PDE4D: variants seen among roughly 807,000 people sequenced by gnomAD.
PDE4D encodes the protein phosphodiesterase 4D, also known as 3',5'-cyclic-AMP phosphodiesterase 4D.
Under a neutral mutation model 87.4 loss-of-function variants are expected in PDE4D, and 24 were observed. That is an observed-to-expected ratio of 0.27 (90% CI 0.20 to 0.39). The LOEUF (loss-of-function observed/expected upper bound fraction) is 0.39, where lower values mean the gene tolerates loss of function less well. Ranked by LOEUF, PDE4D falls within the 10% of genes least tolerant of loss-of-function variation. The probability of loss-of-function intolerance (pLI) is 1.00; values close to 1 mark genes in which losing one functional copy is unlikely to be tolerated. For missense variants in PDE4D, 714 were observed against 1,041.0 expected (o/e 0.69, Z 4.32); for synonymous variants, 384 against 383.2 (o/e 1.00, Z -0.02).
At chr5:59,543,088 G>C (rs1816649358) in intron 1 of PDE4D, among the ~76,000 whole-genome samples, 1 of 152,100 alleles carries the variant, frequency 6.6e-6, no homozygotes, top group African/African-American at 2.4e-5. Flanking sequence ...GGAGTGACAG[G>C]GAAGTTTTCT....
chr5:59,535,779 A>G (rs1815091138), intron 1 of PDE4D, among the ~76,000 whole-genome samples: 1 of 152,336 alleles, frequency 6.6e-6, no homozygotes, highest in East Asian at 1.9e-4. Flanking sequence ...AAAAGGCATC[A>G]GAGGAGCTAT....
At chr5:60,429,536 C>T (rs1583733171) in intron 1 of PDE4D, among the ~76,000 whole-genome samples, 1 of 152,254 alleles carries the variant, frequency 6.6e-6, no homozygotes, top group East Asian at 1.9e-4. Flanking sequence ...GCATCCTTGT[C>T]TTGTTCCAGT....
intron 2 of PDE4D, among the ~76,000 whole-genome samples, chr5:60,037,696 G>A (rs900012692): frequency 3.3e-5 from 5 of 152,162 alleles, no homozygotes; most frequent in South Asian, 2.1e-4. Flanking sequence ...AGGGAGACAG[G>A]TAGCACATCT....
chr5:60,298,388 A>G (rs943539118), intron 1 of PDE4D, among the ~76,000 whole-genome samples: 4 of 152,232 alleles, frequency 2.6e-5, no homozygotes, highest in Non-Finnish European at 5.9e-5. Context: ...ACATCCCTAG[A>G]GAAATTTCAA....
chr5:59,290,127 TA>T, intron 1 of PDE4D, among the ~76,000 whole-genome samples: 1 of 151,958 alleles, frequency 6.6e-6, no homozygotes, highest in Middle Eastern at 3.4e-3. Flanking sequence ...GTAGTCCCTA[TA>T]AAAATACCAA....
chr5:59,475,015 G>T (rs1231175425), intron 1 of PDE4D, among the ~76,000 whole-genome samples: 1 of 151,864 alleles, frequency 6.6e-6, no homozygotes, highest in African/African-American at 2.4e-5. Flanking sequence ...ATTTTGAGTT[G>T]GAAGTAAGAG....
chr5:59,446,276 T>C (rs1311760139), intron 1 of PDE4D, among the ~76,000 whole-genome samples: 1 of 152,176 alleles, frequency 6.6e-6, no homozygotes, highest in African/African-American at 2.4e-5. Flanking sequence ...GTTACCTATA[T>C]AGTAACAAGA....
intron 1 of PDE4D, among the ~76,000 whole-genome samples, chr5:60,496,811 C>A (rs766121957): frequency 6.6e-6 from 1 of 152,178 alleles, no homozygotes; most frequent in Admixed American, 6.5e-5. Flanking sequence ...GAAATTCTAA[C>A]TGTTCAGATT....
intron 5 of PDE4D, among the ~76,000 whole-genome samples, chr5:59,103,507 T>C (rs1296905266): frequency 6.6e-6 from 1 of 151,990 alleles, no homozygotes; most frequent in Non-Finnish European, 1.5e-5. Context: ...AAAAAAGATT[T>C]GACAATAGGG....
chr5:59,296,509 G>T (rs901795089), intron 1 of PDE4D, among the ~76,000 whole-genome samples: 1 of 152,158 alleles, frequency 6.6e-6, no homozygotes, highest in Non-Finnish European at 1.5e-5. Context: ...ATAAGCCAGA[G>T]AAGGTGGAAG....
upstream of PDE4D, among the ~76,000 whole-genome samples, chr5:59,896,118 C>T (rs1448167700): frequency 6.6e-6 from 1 of 152,124 alleles, no homozygotes; most frequent in African/African-American, 2.4e-5. Flanking sequence ...ACTTCCTACC[C>T]ATGTTACTTT....
chr5:59,430,250 C>T (rs1177720429), intron 1 of PDE4D: 1 of 1,230,168 alleles, frequency 8.1e-7, no homozygotes, highest in African/African-American at 1.6e-5. Flanking sequence ...GGCAACAAAA[C>T]ACATTTTCAC....
intron 1 of PDE4D, among the ~76,000 whole-genome samples, chr5:59,369,027 C>T (rs528093927): frequency 2.0e-5 from 3 of 152,206 alleles, no homozygotes; most frequent in Non-Finnish European, 4.4e-5. Flanking sequence ...AACATAAAAA[C>T]GATGTGCTTT....
At chr5:60,465,467 A>G (rs1402646463) in intron 1 of PDE4D, among the ~76,000 whole-genome samples, 1 of 152,192 alleles carries the variant, frequency 6.6e-6, no homozygotes, top group Non-Finnish European at 1.5e-5. Flanking sequence ...GCATGGTGAC[A>G]TTCCCATTGG....
chr5:60,138,232 C>G (rs996762119), intron 2 of PDE4D, among the ~76,000 whole-genome samples: 1 of 152,026 alleles, frequency 6.6e-6, no homozygotes, highest in Non-Finnish European at 1.5e-5. Context: ...ATGCCTCTAG[C>G]TTTGTTCTTT....
chr5:59,808,063 C>T (rs930376362), intron 1 of PDE4D, among the ~76,000 whole-genome samples: 2 of 152,158 alleles, frequency 1.3e-5, no homozygotes, highest in Admixed American at 1.3e-4. Context: ...AACAAAGTAG[C>T]GTTGAATAAC....
chr5:59,911,759 G>A (rs1753463770), intron 3 of PDE4D, among the ~76,000 whole-genome samples: 1 of 152,046 alleles, frequency 6.6e-6, no homozygotes, highest in African/African-American at 2.4e-5. Flanking sequence ...GAACACTTTG[G>A]ACAATAACTG....
At chr5:59,771,479 A>AGAG (rs1561637332) in intron 1 of PDE4D, among the ~76,000 whole-genome samples, 1 of 68,474 alleles carries the variant, frequency 1.5e-5, no homozygotes, top group Non-Finnish European at 3.1e-5. Flanking sequence ...GAAAGAAAGA[A>AGAG]AGAAAGAGAG....
intron 5 of PDE4D, among the ~76,000 whole-genome samples, chr5:59,070,431 T>A (rs1408839773): frequency 6.6e-6 from 1 of 152,162 alleles, no homozygotes; most frequent in Non-Finnish European, 1.5e-5. Context: ...TATACTCCAC[T>A]CTATCTCTAA....
Sources: allele counts gnomAD v4.1 joint callset (sites outside exome capture counted in the v4.1 genomes callset), GRCh38; gene constraint gnomAD v4.1.1; transcripts MANE v1.5; gene names NCBI Gene and HGNC (gene_info 2026-07-23, HGNC 2026-07-21).